Variants in RARB observed in about 807,000 individuals in gnomAD.
The protein encoded by RARB is HBV-activated protein.
A neutral mutation model predicts 51.9 loss-of-function variants in RARB; 17 were observed. That is an observed-to-expected ratio of 0.33 (90% CI 0.22 to 0.49). The LOEUF is 0.49. Among genes scored for constraint, RARB ranks in the 20% least tolerant of loss-of-function variants. The pLI is 0.99. For missense variants in RARB, 369 were observed against 550.8 expected (o/e 0.67, Z 3.30); for synonymous variants, 215 against 195.4 (o/e 1.10, Z -0.84).
In RARB at chr3:25,375,322, G is replaced by A. The variant is rs548984968; in HGVS notation, c.179-85871G>A. Among the ~76,000 whole-genome samples the A allele has an allele frequency of 2.6e-5, 4 of 152,272 alleles. No individual in the cohort carries two copies. The South Asian group carries it at 8.3e-4, about 32-fold the overall frequency. On this transcript the variant is annotated intron_variant, in intron 5 of 11. Transcript: ENST00000383772. ...CTGAATTACCTCATAATGATGATCT[G>A]TTTTATATCTTGAGGACAGTGGGTG...
intron 5 of RARB, among the ~76,000 whole-genome samples, chr3:25,380,552 T>C (rs1183845798): frequency 6.6e-6 from 1 of 152,122 alleles, no homozygotes. Flanking sequence ...AAAAGATTTA[T>C]CCTGCATGCC....
At chr3:25,064,319 T>A (rs1698614555) in intron 3 of RARB, among the ~76,000 whole-genome samples, 1 of 152,128 alleles carries the variant, frequency 6.6e-6, no homozygotes, top group South Asian at 2.1e-4. Context: ...ATCTCTCAAT[T>A]TTATGGGAGC....
intron 3 of RARB, among the ~76,000 whole-genome samples, chr3:25,097,874 A>T (rs1699329928): frequency 6.6e-6 from 1 of 152,090 alleles, no homozygotes; most frequent in South Asian, 2.1e-4. Context: ...CTTTAACTTG[A>T]ATTCTGAGCA....
chr3:25,181,485 A>G lies in RARB; in HGVS notation c.178+6910A>G, dbSNP rs147639742. Among the ~76,000 whole-genome samples, 355 of 152,246 alleles carry G rather than the reference A, an allele frequency of 2.3e-3. 2 individuals are homozygous for G. The highest frequency in any genetic ancestry group is 0.02 in the East Asian group (106 of 5,180). On this transcript the variant is annotated intron_variant, in intron 5 of 11. Transcript: ENST00000383772. ...TTGGAAATTTGTAGATGTGCTTTTG[A>G]GTGCCATGCTCATTGGGAGCGCTGT...
At chr3:24,838,591 G>A (rs1001709100) in intron 1 of RARB, among the ~76,000 whole-genome samples, 2 of 152,300 alleles carry the variant, frequency 1.3e-5, no homozygotes, top group Middle Eastern at 3.4e-3. Context: ...TAAAGCCACT[G>A]CAGAGTAAAG....
chr3:25,110,791 T>G (rs1407863873), intron 3 of RARB, among the ~76,000 whole-genome samples: 2 of 152,204 alleles, frequency 1.3e-5, no homozygotes, highest in Non-Finnish European at 2.9e-5. Flanking sequence ...AATCTGTTCT[T>G]AATTACCCCA....
chr3:24,983,474 G>A (rs573436690), intron 2 of RARB, among the ~76,000 whole-genome samples: 2 of 152,114 alleles, frequency 1.3e-5, no homozygotes, highest in African/African-American at 2.4e-5. Context: ...CTATCAACCT[G>A]TCATCTAGGT....
intron 2 of RARB, among the ~76,000 whole-genome samples, chr3:24,878,724 T>C (rs557329549): frequency 6.6e-6 from 1 of 152,228 alleles, no homozygotes; most frequent in East Asian, 1.9e-4. Flanking sequence ...GGGTGAAGTC[T>C]AAAAATCAAC....
chr3:25,564,685 C>T (rs1260658447), intron 3 of RARB, among the ~76,000 whole-genome samples: 3 of 152,136 alleles, frequency 2.0e-5, no homozygotes, highest in Non-Finnish European at 2.9e-5. Context: ...GCCCTGGGGA[C>T]ATAGAGACAA....
intron 5 of RARB, among the ~76,000 whole-genome samples, chr3:25,326,786 A>G (rs187547766): frequency 1.6e-3 from 241 of 152,176 alleles, no homozygotes; most frequent in African/African-American, 5.7e-3. Flanking sequence ...GGATGACAAT[A>G]TCAAGAAACA....
chr3:25,518,134 G>C (rs139266340), intron 3 of RARB, among the ~76,000 whole-genome samples: 2 of 152,262 alleles, frequency 1.3e-5, no homozygotes, highest in Non-Finnish European at 2.9e-5. Flanking sequence ...CATTTGAATT[G>C]TATCTTAATT....
chr3:25,038,270 G>A (rs1559443348), intron 2 of RARB, among the ~76,000 whole-genome samples: 1 of 152,118 alleles, frequency 6.6e-6, no homozygotes, highest in African/African-American at 2.4e-5. Context: ...TAAAAATGAA[G>A]TTGTGTATAA....
chr3:25,485,089 AATT>A (rs1351236194), intron 2 of RARB, among the ~76,000 whole-genome samples: 1 of 152,222 alleles, frequency 6.6e-6, no homozygotes, highest in Non-Finnish European at 1.5e-5. Flanking sequence ...TAAAAGTAAA[AATT>A]ATTTTCTTTT....
intron 2 of RARB, among the ~76,000 whole-genome samples, chr3:24,967,459 A>G (rs1437623286): frequency 1.3e-5 from 2 of 152,122 alleles, no homozygotes; most frequent in Admixed American, 6.6e-5. Context: ...TCAACTTCTA[A>G]GAGTAGAATC....
At chr3:25,301,393 C>T (rs1320402853) in intron 5 of RARB, among the ~76,000 whole-genome samples, 1 of 152,148 alleles carries the variant, frequency 6.6e-6, no homozygotes, top group African/African-American at 2.4e-5. Context: ...GCACTGTTGG[C>T]TTCAAGCTTT....
At chr3:25,229,501 T>A (rs1702128208) in intron 5 of RARB, among the ~76,000 whole-genome samples, 1 of 152,156 alleles carries the variant, frequency 6.6e-6, no homozygotes, top group Non-Finnish European at 1.5e-5. Context: ...ATTACTGATA[T>A]TTATCTACTT....
intron 4 of RARB, among the ~76,000 whole-genome samples, chr3:25,148,711 A>C (rs1559483348): frequency 6.6e-6 from 1 of 152,160 alleles, no homozygotes; most frequent in Admixed American, 6.5e-5. Context: ...TAAAGAGTAA[A>C]TATTGCCTCT....
At chr3:24,980,658 A>T (rs187357869) in intron 2 of RARB, among the ~76,000 whole-genome samples, 11 of 152,190 alleles carry the variant, frequency 7.2e-5, no homozygotes, top group African/African-American at 2.6e-4. Context: ...CTAGTTAGCC[A>T]TTCGTCTAAC....
At chr3:24,993,501 A>T (rs757203074) in intron 2 of RARB, among the ~76,000 whole-genome samples, 1 of 152,122 alleles carries the variant, frequency 6.6e-6, no homozygotes, top group Non-Finnish European at 1.5e-5. Context: ...TTAGCATATT[A>T]TCTGAAATAT....
Sources: gnomAD v4.1 joint callset for allele counts (sites outside exome capture counted in the v4.1 genomes callset) on GRCh38, gnomAD v4.1.1 for gene constraint, MANE v1.5 for transcripts, NCBI Gene and HGNC (gene_info 2026-07-23, HGNC 2026-07-21) for gene names.